The following TRAK2 variants were observed in gnomAD, a reference collection of about 807,000 sequenced individuals.
TRAK2 encodes the protein trafficking kinesin-binding protein 2.
Under a neutral mutation model 104.6 loss-of-function variants are expected in TRAK2, and 81 were observed. The observed-to-expected ratio is 0.77, with a 90% CI of 0.65 to 0.93. The LOEUF is 0.93. Among genes scored for constraint, TRAK2 ranks in the 40% least tolerant of loss-of-function variants. The pLI is 0.00. For synonymous variants in TRAK2, 406 were observed against 394.4 expected (o/e 1.03, Z -0.35); for missense variants, 1,002 against 1,089.0 (o/e 0.92, Z 1.12).
chr2:201,377,962 A>C lies in TRAK2; in HGVS notation c.*2581T>G, dbSNP rs1044545291. ...TATCGTAGAAAAGACTAAAATGTGA[A>C]TAGTGACAAAACATAACAGATAAAT... On this transcript the variant is annotated 3_prime_UTR_variant, in exon 16 of 16. Transcript: ENST00000332624. 3 of 152,582 alleles carry C rather than the reference A, an allele frequency of 2.0e-5. No homozygotes were observed. Among genetic ancestry groups the C allele is most frequent in the Non-Finnish European group, 4.4e-5 (3 of 68,038 alleles). The allele number at this position is 152,582 out of a possible 1,614,324, so 9.5% of individuals were successfully genotyped here.
At chr2:201,391,994 G>A (rs778647978) in intron 10 of TRAK2, among the ~76,000 whole-genome samples, 1 of 152,184 alleles carries the variant, frequency 6.6e-6, no homozygotes, top group Non-Finnish European at 1.5e-5. Flanking sequence ...TCAACTTCCT[G>A]ATGCTGATGG....
At chr2:201,410,777 T>G in intron 2 of TRAK2, 1 of 1,602,566 alleles carries the variant, frequency 6.2e-7, no homozygotes, top group African/African-American at 1.3e-5. Context: ...AATTGGTTCA[T>G]GCTAACTTTG....
At chr2:201,399,008 C>T (rs916762092) in intron 5 of TRAK2, among the ~76,000 whole-genome samples, 8 of 151,962 alleles carry the variant, frequency 5.3e-5, no homozygotes, top group Non-Finnish European at 7.4e-5. Flanking sequence ...TTACTTTCTT[C>T]CTTTGTTTGG....
In TRAK2 at chr2:201,384,233, G is replaced by A; in HGVS notation, c.1964-17C>T. 6.3e-7 allele frequency: 1 copy of A among 1,581,606 alleles called. No individual in the cohort carries two copies. The highest frequency in any genetic ancestry group is 8.7e-7 in the Non-Finnish European group (1 of 1,152,668). On this transcript the variant is annotated splice_polypyrimidine_tract_variant and intron_variant, in intron 14 of 15. Transcript: ENST00000332624. ...CGGTTGCAACTGAAATAGATTTTTA[G>A]GGAGCAAATACAAGATTGAAAGTCT...
At chr2:201,388,760 G>C (rs533686833) in intron 12 of TRAK2, among the ~76,000 whole-genome samples, 8 of 152,128 alleles carry the variant, frequency 5.3e-5, no homozygotes, top group Admixed American at 2.6e-4. Context: ...AGCTGCTGTG[G>C]GTGCAGAACA....
Position 201,380,995 on chromosome 2 carries a change from G to A in TRAK2, c.2293C>T (p.Gln765Ter). The A allele has an allele frequency of 6.2e-7, 1 of 1,614,144 alleles. No individual in the cohort carries two copies. The highest frequency in any genetic ancestry group is 8.5e-7 in the Non-Finnish European group (1 of 1,180,012). ...ATAGCCAGGGATTTAGGGAGAGGCT[G>A]GAGGGGGTTCTCTGAAATTGGGCTG... ...YHSPISENPL[Q>*]PLPKSLAIPS... Residue 765 changes from glutamine (Q) to a stop codon, truncating the protein, a stop_gained, in exon 16 of 16, where the codon CAG becomes TAG. Coordinates refer to ENST00000332624, the MANE Select transcript of TRAK2 (RefSeq NM_015049.3). LOFTEE classifies it high-confidence loss of function.
Position 201,420,552 on chromosome 2 carries a change from G to A in TRAK2, c.-45C>T, listed in dbSNP as rs752199175. ...TGGTTGAGAAGGACAGCTTTGGTAT[G>A]AATCAGAGTAAAGGAAATCCATCAA... On this transcript the variant is annotated 5_prime_UTR_variant, in exon 2 of 16. Coordinates refer to ENST00000332624, the MANE Select transcript of TRAK2 (RefSeq NM_015049.3). 5.4e-6 allele frequency: 8 copies of A among 1,482,030 alleles called. No homozygotes were observed. In the Admixed American group the frequency reaches 1.3e-4, roughly 25 times the overall value. The allele number at this position is 1,482,030 out of a possible 1,614,324, so 91.8% of individuals were successfully genotyped here. A position where few individuals can be genotyped will look rare whatever the true frequency, so the allele number is the denominator to read the frequency against.
Position 201,380,428 on chromosome 2 carries a change from T to C in TRAK2, c.*115A>G. On this transcript the variant is annotated 3_prime_UTR_variant, in exon 16 of 16. Coordinates refer to ENST00000332624, the MANE Select transcript of TRAK2 (RefSeq NM_015049.3). The stretch of plus-strand genomic sequence containing the variant: ...CCATTCCTCCATTCCCCCTTTCACA[T>C]TCACAACCCTTGTGCAACATTCCTT... 3 of 1,121,236 alleles carry C rather than the reference T, an allele frequency of 2.7e-6. No individual in the cohort carries two copies. Among genetic ancestry groups the C allele is most frequent in the Non-Finnish European group, 3.8e-6 (3 of 791,456 alleles). 69.5% of individuals were successfully genotyped at this position (1,121,236 alleles called of 1,614,324 possible).
At chr2:201,386,130 A>G in intron 14 of TRAK2, 88 bp downstream of exon 14, 6 of 1,430,344 alleles carry the variant, frequency 4.2e-6, no homozygotes, top group Non-Finnish European at 5.8e-6. Flanking sequence ...CCCTCCAGTG[A>G]GCAGAGGTAG....
chr2:201,421,155 A>G (rs1281098860), intron 1 of TRAK2, among the ~76,000 whole-genome samples: 1 of 152,240 alleles, frequency 6.6e-6, no homozygotes, highest in African/African-American at 2.4e-5. Flanking sequence ...GTAATACACT[A>G]ATAATATATT....
At chr2:201,442,388 CA>C (rs61153548) in intron 1 of TRAK2, among the ~76,000 whole-genome samples, 34 of 143,546 alleles carry the variant, frequency 2.4e-4, no homozygotes, top group Admixed American at 4.1e-4. Context: ...GACTCCATCT[CA>C]AAAAAAAAAA....
chr2:201,413,391 C>A (rs996360798), intron 2 of TRAK2: 11 of 606,750 alleles, frequency 1.8e-5, no homozygotes, highest in Non-Finnish European at 8.5e-6. Context: ...CCCCACCCCC[C>A]TAAACACAGG....
chr2:201,412,075 C>A (rs1951651992), intron 2 of TRAK2: 2 of 1,127,348 alleles, frequency 1.8e-6, no homozygotes, highest in Non-Finnish European at 2.7e-6. Flanking sequence ...GCTGCTTAAA[C>A]ACAGGGCCAA....
chr2:201,381,241 G>A (rs773921748), intron 15 of TRAK2, 23 bp from the exon 16 acceptor site: 2 of 1,540,016 alleles, frequency 1.3e-6, no homozygotes, highest in South Asian at 1.2e-5. Flanking sequence ...AAAAAAAAGT[G>A]GGAGACAGTG....
Position 201,412,517 on chromosome 2 carries a change from T to C in TRAK2, c.92-4920A>G, listed in dbSNP as rs149622868. 5,562 of 1,185,784 alleles carry C rather than the reference T, an allele frequency of 4.7e-3. 257 individuals carry two copies. In the Admixed American group the frequency reaches 0.083, roughly 18 times the overall value. 73.5% of individuals were successfully genotyped at this position (1,185,784 alleles called of 1,614,324 possible). On this transcript the variant is annotated intron_variant, in intron 2 of 15. Transcript: ENST00000332624. ...ATGTCTTGCTTATTGCCTTCAAATATATGTTTCCTTTTATTAAATACAGCA... is the reference window on the plus strand; with the variant it reads ...ATGTCTTGCTTATTGCCTTCAAATACATGTTTCCTTTTATTAAATACAGCA...
chr2:201,413,392 TA>T, intron 2 of TRAK2: 1 of 579,124 alleles, frequency 1.7e-6, no homozygotes, highest in South Asian at 2.5e-5. Context: ...CCCACCCCCC[TA>T]AACACAGGCT....
chr2:201,413,220 C>G (rs1951663074), intron 2 of TRAK2: 1 of 1,451,410 alleles, frequency 6.9e-7, no homozygotes, highest in African/African-American at 1.4e-5. Flanking sequence ...ATCAAATTCT[C>G]TAGTGACAGG....
chr2:201,387,242 G>C (rs1559437494), intron 13 of TRAK2, among the ~76,000 whole-genome samples: 1 of 152,252 alleles, frequency 6.6e-6, no homozygotes, highest in East Asian at 1.9e-4. Flanking sequence ...TTTCTTAGGA[G>C]AGTATAGAAA....
intron 3 of TRAK2, among the ~76,000 whole-genome samples, chr2:201,405,815 T>G (rs907573622): frequency 7.9e-5 from 12 of 152,058 alleles, no homozygotes; most frequent in African/African-American, 2.9e-4. Flanking sequence ...AAACCCCGTC[T>G]CTACTAAAAA....
Sources: allele counts gnomAD v4.1 joint callset (sites outside exome capture counted in the v4.1 genomes callset), GRCh38; gene constraint gnomAD v4.1.1; transcripts MANE v1.5; gene names NCBI Gene and HGNC (gene_info 2026-07-23, HGNC 2026-07-21).